LIPA: variants seen among roughly 807,000 people sequenced by gnomAD.
The protein encoded by LIPA is lysosomal acid lipase/cholesteryl ester hydrolase.
LIPA carries 26 observed loss-of-function variants against 40.6 expected under a neutral mutation model. That is an observed-to-expected ratio of 0.64 (90% CI 0.47 to 0.89). LIPA has a LOEUF of 0.89. Among genes scored for constraint, LIPA ranks in the 40% least tolerant of loss-of-function variants. LIPA has a pLI of 0.00. For synonymous variants in LIPA, 188 were observed against 168.4 expected (o/e 1.12, Z -0.90); for missense variants, 455 against 479.6 (o/e 0.95, Z 0.48).
At chr10:89,282,471 C>A (rs1843320975) in intron 1 of LIPA, among the ~76,000 whole-genome samples, 1 of 151,972 alleles carries the variant, frequency 6.6e-6, no homozygotes, top group African/African-American at 2.4e-5. Flanking sequence ...AACCCCGTCT[C>A]TGCTAAAAAT....
chr10:89,320,246 G>C (rs1349322484), intron 1 of LIPA, among the ~76,000 whole-genome samples: 1 of 152,094 alleles, frequency 6.6e-6, no homozygotes, highest in African/African-American at 2.4e-5. Flanking sequence ...AGAAATAAAG[G>C]GTATTCAATT....
chr10:89,390,030 G>A (rs1394416229), intron 2 of LIPA, among the ~76,000 whole-genome samples: 4 of 140,010 alleles, frequency 2.9e-5, no homozygotes, highest in Admixed American at 1.6e-4. Context: ...TGCCCAGGCT[G>A]GAGTGCAATG....
At chr10:89,294,049 T>C (rs1475584141) in intron 1 of LIPA, among the ~76,000 whole-genome samples, 1 of 152,244 alleles carries the variant, frequency 6.6e-6, no homozygotes, top group Non-Finnish European at 1.5e-5. Context: ...TCAGTAAGTA[T>C]TGATTTGATG....
At chr10:89,323,708 C>T (rs1277493615) in intron 1 of LIPA, among the ~76,000 whole-genome samples, 1 of 152,036 alleles carries the variant, frequency 6.6e-6, no homozygotes, top group Non-Finnish European at 1.5e-5. Flanking sequence ...GAATAAAATA[C>T]CTAGAAATAC....
Position 89,227,020 on chromosome 10 carries a change from G to T in LIPA, c.429-16C>A. ...CTCATCATAACTGTAATCCAAGAAA[G>T]GAACTCTTTCATTGAAATAGTACAT... is the stretch of plus-strand genomic sequence containing the variant. On this transcript the variant is annotated splice_polypyrimidine_tract_variant and intron_variant, in intron 4 of 9. Coordinates refer to ENST00000336233, the MANE Select transcript of LIPA (RefSeq NM_000235.4). 1 of 1,434,270 alleles carries T rather than the reference G, an allele frequency of 7.0e-7. No individual in the cohort carries two copies. Among genetic ancestry groups the T allele is most frequent in the Non-Finnish European group, 9.8e-7 (1 of 1,016,056 alleles). 88.8% of individuals were successfully genotyped at this position (1,434,270 alleles called of 1,614,324 possible).
chr10:89,256,817 T>C (rs1226134337), intron 1 of LIPA, among the ~76,000 whole-genome samples: 1 of 152,116 alleles, frequency 6.6e-6, no homozygotes, highest in African/African-American at 2.4e-5. Flanking sequence ...AACCACGAGG[T>C]TCCTTCACTC....
intron 2 of LIPA, among the ~76,000 whole-genome samples, chr10:89,386,946 AGTGTGTGTGTGT>A (rs756939371): frequency 2.4e-5 from 3 of 125,872 alleles, no homozygotes; most frequent in Non-Finnish European, 5.3e-5. Flanking sequence ...TGGGTATATG[AGTGTGTGTGTGT>A]GTGTGTGTGT....
chr10:89,324,054 A>G (rs1258845210), intron 1 of LIPA, among the ~76,000 whole-genome samples: 9 of 152,226 alleles, frequency 5.9e-5, no homozygotes, highest in Admixed American at 4.6e-4. Flanking sequence ...CCAAAATAGC[A>G]TGGTACTGGT....
chr10:89,280,675 G>A (rs753444757), intron 1 of LIPA, among the ~76,000 whole-genome samples: 42 of 152,186 alleles, frequency 2.8e-4, no homozygotes, highest in Non-Finnish European at 1.5e-5. Context: ...TTTATGTGTC[G>A]GTTGGAAGTC....
intron 2 of LIPA, among the ~76,000 whole-genome samples, chr10:89,381,694 T>C (rs184638430): frequency 3.9e-5 from 6 of 152,306 alleles, no homozygotes; most frequent in African/African-American, 1.4e-4. Flanking sequence ...GCAGCAGTCA[T>C]AAGCCTGAGT....
At chr10:89,265,181 G>T (rs1291674694) in intron 1 of LIPA, among the ~76,000 whole-genome samples, 1 of 151,440 alleles carries the variant, frequency 6.6e-6, no homozygotes, top group Non-Finnish European at 1.5e-5. Flanking sequence ...TTCTGAGCTT[G>T]CAGGGGTGAG....
chr10:89,286,396 T>A (rs1218088409), intron 1 of LIPA, among the ~76,000 whole-genome samples: 1 of 152,098 alleles, frequency 6.6e-6, no homozygotes, highest in Non-Finnish European at 1.5e-5. Context: ...TCCCCCACCC[T>A]ATAATCCTTC....
At chr10:89,402,497 C>G in intron 2 of LIPA, 2 of 1,614,184 alleles carry the variant, frequency 1.2e-6, no homozygotes, top group Non-Finnish European at 1.7e-6. Context: ...CCCTGAAGAG[C>G]TTAAAAGAAG....
At chr10:89,283,896 A>T (rs1035107392) in intron 1 of LIPA, 19 of 152,250 alleles carry the variant, frequency 1.2e-4, no homozygotes, top group African/African-American at 4.6e-4. Flanking sequence ...CATGAGGTAA[A>T]GGATTTTTTC....
chr10:89,362,055 A>G (rs957980368), intron 2 of LIPA, among the ~76,000 whole-genome samples: 16 of 151,880 alleles, frequency 1.1e-4, no homozygotes, highest in African/African-American at 3.1e-4. Context: ...GTGTGCCACC[A>G]TGCCCAGATA....
chr10:89,370,751 C>G (rs547761163), intron 2 of LIPA, among the ~76,000 whole-genome samples: 1 of 152,118 alleles, frequency 6.6e-6, no homozygotes, highest in African/African-American at 2.4e-5. Context: ...AGTGTGGTGG[C>G]TCATGCCTGT....
intron 2 of LIPA, among the ~76,000 whole-genome samples, chr10:89,374,594 C>G (rs1397640195): frequency 1.3e-5 from 2 of 152,212 alleles, no homozygotes; most frequent in Non-Finnish European, 2.9e-5. Context: ...AGTCATACTA[C>G]TCTCAGTGTA....
intron 1 of LIPA, among the ~76,000 whole-genome samples, chr10:89,270,607 G>A (rs757836771): frequency 1.3e-5 from 2 of 152,166 alleles, no homozygotes; most frequent in Non-Finnish European, 2.9e-5. Context: ...CCTCTTTGGA[G>A]GTCAACATAT....
At chr10:89,389,666 A>C (rs991405862) in intron 2 of LIPA, among the ~76,000 whole-genome samples, 1 of 152,234 alleles carries the variant, frequency 6.6e-6, no homozygotes, top group African/African-American at 2.4e-5. Context: ...GAAATGGCTT[A>C]GCATTTGTCC....
Sources: allele counts gnomAD v4.1 joint callset (sites outside exome capture counted in the v4.1 genomes callset), GRCh38; gene constraint gnomAD v4.1.1; transcripts MANE v1.5; gene names NCBI Gene and HGNC (gene_info 2026-07-23, HGNC 2026-07-21).